The following RPH3A variants were observed in gnomAD, a reference collection of about 807,000 sequenced individuals.
RPH3A encodes rabphilin 3A, also known as rabphilin-3A.
A neutral mutation model predicts 102.2 loss-of-function variants in RPH3A; 48 were observed. The observed-to-expected ratio is 0.47, with a 90% CI of 0.37 to 0.60. RPH3A has a LOEUF of 0.60. Ranked by LOEUF, RPH3A falls within the 20% of genes least tolerant of loss-of-function variation. RPH3A has a pLI of 0.00. For synonymous variants in RPH3A, 310 were observed against 324.3 expected (o/e 0.96, Z 0.47); for missense variants, 781 against 910.1 (o/e 0.86, Z 1.83).
intron 1 of RPH3A, among the ~76,000 whole-genome samples, chr12:112,725,910 C>T (rs1225060474): frequency 2.0e-5 from 3 of 151,924 alleles, no homozygotes; most frequent in Non-Finnish European, 2.9e-5. Context: ...ATTCTCCTGC[C>T]TCAGCCTCAC....
intron 1 of RPH3A, among the ~76,000 whole-genome samples, chr12:112,683,815 G>A (rs907647391): frequency 2.6e-5 from 4 of 152,136 alleles, no homozygotes; most frequent in South Asian, 2.1e-4. Context: ...CAGAGAGAGT[G>A]GGCACTTAAG....
At chr12:112,748,931 G>A (rs57332216) in intron 1 of RPH3A, among the ~76,000 whole-genome samples, 15,086 of 151,846 alleles carry the variant, frequency 0.099, 842 homozygotes, top group Middle Eastern at 0.15. Context: ...GCTGGAACAT[G>A]CCATATCATA....
chr12:112,811,108 G>A (rs1272993580), intron 2 of RPH3A, among the ~76,000 whole-genome samples: 1 of 152,116 alleles, frequency 6.6e-6, no homozygotes, highest in Non-Finnish European at 1.5e-5. Context: ...GAGAAATACA[G>A]GGTTAGGTTC....
At position 112,844,032 on chromosome 12, in the gene RPH3A, C is replaced by T. The variant is rs115564818; in HGVS notation, c.84-3664C>T. ...AGGCTCTGCATAAAGAGAGTGAGGC[C>T]TCCATCACAGGAGGCATTCAAGCAA... On this transcript the variant is annotated intron_variant, in intron 4 of 21. Transcript: ENST00000389385. 5.0e-3 allele frequency among the ~76,000 whole-genome samples: 759 copies of T among 152,212 alleles called. 4 individuals carry two copies. Among genetic ancestry groups the T allele is most frequent in the African/African-American group, 0.017 (719 of 41,538 alleles).
At chr12:112,635,544 T>G (rs1301748669) in intron 1 of RPH3A, among the ~76,000 whole-genome samples, 1 of 152,242 alleles carries the variant, frequency 6.6e-6, no homozygotes, top group Non-Finnish European at 1.5e-5. Context: ...GTTATTTTTA[T>G]ATGCAGACAT....
chr12:112,778,340 T>C (rs936523051), intron 1 of RPH3A, among the ~76,000 whole-genome samples: 20 of 152,346 alleles, frequency 1.3e-4, no homozygotes, highest in African/African-American at 3.8e-4. Flanking sequence ...TTCTTTTTTC[T>C]CTTTAATCCT....
intron 5 of RPH3A, among the ~76,000 whole-genome samples, chr12:112,864,448 CAAAAAA>C (rs11324677): frequency 9.8e-6 from 1 of 101,990 alleles, no homozygotes; most frequent in Non-Finnish European, 1.9e-5. Flanking sequence ...AAGACTCTGT[CAAAAAA>C]AAAAAAAAAA....
chr12:112,702,093 G>C (rs2040398643), intron 1 of RPH3A, among the ~76,000 whole-genome samples: 1 of 152,210 alleles, frequency 6.6e-6, no homozygotes, highest in East Asian at 1.9e-4. Flanking sequence ...GTCTGGAAAA[G>C]TTTGGAGGAC....
At chr12:112,647,406 T>C (rs1362814475) in intron 1 of RPH3A, among the ~76,000 whole-genome samples, 1 of 152,162 alleles carries the variant, frequency 6.6e-6, no homozygotes, top group Non-Finnish European at 1.5e-5. Flanking sequence ...TGGGGTATAT[T>C]TAGTTATCTT....
chr12:112,695,130 C>G (rs933871132), intron 1 of RPH3A: 1 of 170,384 alleles, frequency 5.9e-6, no homozygotes, highest in Non-Finnish European at 1.5e-5. Context: ...CTTACATACA[C>G]AATTATTCAT....
intron 1 of RPH3A, chr12:112,718,061 A>G (rs895456236): frequency 2.0e-5 from 3 of 152,146 alleles, no homozygotes; most frequent in Admixed American, 6.5e-5. Context: ...ATCAAATTGA[A>G]CCCTTTCCCC....
chr12:112,673,301 C>T (rs2040148370), intron 1 of RPH3A, among the ~76,000 whole-genome samples: 1 of 152,118 alleles, frequency 6.6e-6, no homozygotes, highest in African/African-American at 2.4e-5. Flanking sequence ...TTAGGAGTAT[C>T]ATCATTTCCC....
At chr12:112,671,077 G>A (rs992715967) in intron 1 of RPH3A, among the ~76,000 whole-genome samples, 3 of 152,178 alleles carry the variant, frequency 2.0e-5, no homozygotes, top group Non-Finnish European at 4.4e-5. Context: ...TGAGCCACCA[G>A]CCATGAGCCA....
chr12:112,669,618 C>T (rs1325645956), intron 1 of RPH3A, among the ~76,000 whole-genome samples: 1 of 152,192 alleles, frequency 6.6e-6, no homozygotes, highest in Non-Finnish European at 1.5e-5. Context: ...TAGGAGTTTT[C>T]TTGGCCTACT....
At chr12:112,762,358 T>G (rs1208372908) in intron 1 of RPH3A, among the ~76,000 whole-genome samples, 1 of 152,168 alleles carries the variant, frequency 6.6e-6, no homozygotes, top group Non-Finnish European at 1.5e-5. Context: ...GGCTCAGGGA[T>G]CTTTAGGTTC....
chr12:112,772,988 G>A (rs2040937913), intron 1 of RPH3A, among the ~76,000 whole-genome samples: 1 of 151,996 alleles, frequency 6.6e-6, no homozygotes, highest in Admixed American at 6.6e-5. Context: ...TATGATGTTT[G>A]GTTTTCCATT....
At chr12:112,640,751 G>C (rs2039882958) in intron 1 of RPH3A, among the ~76,000 whole-genome samples, 2 of 152,132 alleles carry the variant, frequency 1.3e-5, no homozygotes, top group Admixed American at 6.6e-5. Flanking sequence ...TCTCTAGGGG[G>C]CATGGAGTGG....
In RPH3A at chr12:112,791,867, G is replaced by GGAGAGAGAGAGAGTGA. The variant is rs1555209152; in HGVS notation, c.-272_-271insTGAGAGAGAGAGAGAG. 1 of 48,484 alleles carries GGAGAGAGAGAGAGTGA rather than the reference G, an allele frequency of 2.1e-5. No individual in the cohort carries two copies. The highest frequency in any genetic ancestry group is 9.6e-5 in the African/African-American group (1 of 10,408). 3.0% of individuals were successfully genotyped at this position (48,484 alleles called of 1,614,324 possible). Reference sequence around the variant, plus strand: ...CGCGGACTGGAAAGGAAGGGAGAAGGGAGAGAGAGAGAGAGAGAGAGAGAG... The same window carrying GGAGAGAGAGAGAGTGA: ...CGCGGACTGGAAAGGAAGGGAGAAGGGAGAGAGAGAGAGTGAGAGAGAGAGAGAGAGAGAGAGAGAG... On this transcript the variant is annotated 5_prime_UTR_variant, in exon 1 of 22. Coordinates refer to ENST00000389385, the MANE Select transcript of RPH3A (RefSeq NM_001143854.2).
At chr12:112,631,778 C>G (rs1390133598) in intron 1 of RPH3A, among the ~76,000 whole-genome samples, 1 of 152,130 alleles carries the variant, frequency 6.6e-6, no homozygotes, top group Non-Finnish European at 1.5e-5. Context: ...CCTGCCTCAG[C>G]CTTACAAATT....
Sources: gnomAD v4.1 joint callset for allele counts (sites outside exome capture counted in the v4.1 genomes callset) on GRCh38, gnomAD v4.1.1 for gene constraint, MANE v1.5 for transcripts, NCBI Gene and HGNC (gene_info 2026-07-23, HGNC 2026-07-21) for gene names.